Variants in PLEKHD1 observed in about 807,000 individuals in gnomAD.
The protein encoded by PLEKHD1 is pleckstrin homology domain-containing family D member 1.
A neutral mutation model predicts 69.2 loss-of-function variants in PLEKHD1; 51 were observed. The observed-to-expected ratio is 0.74, with a 90% confidence interval of 0.59 to 0.93. The LOEUF (loss-of-function observed/expected upper bound fraction) is 0.93, where lower values mean the gene tolerates loss of function less well. PLEKHD1 is among the 40% of genes least tolerant of loss of function. The pLI, the probability that PLEKHD1 is intolerant of heterozygous loss-of-function variation, is 0.00. For synonymous variants in PLEKHD1, 236 were observed against 244.7 expected (o/e 0.96, Z 0.33); for missense variants, 584 against 641.0 (o/e 0.91, Z 0.96).
intron 1 of PLEKHD1, among the ~76,000 whole-genome samples, chr14:69,495,439 A>G (rs1208958483): frequency 1.3e-5 from 2 of 152,078 alleles, no homozygotes; most frequent in Non-Finnish European, 2.9e-5. Flanking sequence ...GCCTCTACCA[A>G]CTAGTGCTGT....
the PLEKHD1 span, among the ~76,000 whole-genome samples, chr14:69,478,019 G>A: frequency 6.6e-6 from 1 of 152,226 alleles, no homozygotes; most frequent in African/African-American, 2.4e-5. Context: ...TTCTCCATGA[G>A]AACCCTGCCC....
chr14:69,527,445 C>T (rs1449266585), intron 11 of PLEKHD1, 113 bp downstream of exon 11: 15 of 1,426,082 alleles, frequency 1.1e-5, no homozygotes, highest in Non-Finnish European at 1.9e-6. Context: ...TGAGGTGCTC[C>T]CTGGATATTG....
upstream of PLEKHD1, among the ~76,000 whole-genome samples, chr14:69,483,616 T>C (rs1193771636): frequency 6.6e-6 from 1 of 152,254 alleles, no homozygotes; most frequent in Non-Finnish European, 1.5e-5. Flanking sequence ...CCATGAAGTA[T>C]ACCTCAATTT....
At position 69,501,135 on chromosome 14, in the gene PLEKHD1, T is replaced by C; in HGVS notation, c.410+188T>C. On this transcript the variant is annotated intron_variant, in intron 4 of 12. Coordinates refer to ENST00000322564, the MANE Select transcript of PLEKHD1 (RefSeq NM_001161498.2). ...TCTGTGAGGGGTCCCCTGAGTGAGC[T>C]TGAAAAGTGTCTAGGTCACAGGTGG... 3 of 622,250 alleles carry C rather than the reference T, an allele frequency of 4.8e-6. No individual in the cohort carries two copies. The Admixed American group carries it at 8.1e-5, about 17-fold the overall frequency. 38.5% of individuals were successfully genotyped at this position (622,250 alleles called of 1,614,324 possible).
At chr14:69,503,863 CAAAAA>C (rs35831952) in intron 6 of PLEKHD1, among the ~76,000 whole-genome samples, 39 of 39,122 alleles carry the variant, frequency 1.0e-3, no homozygotes, top group Non-Finnish European at 1.8e-3. Flanking sequence ...GACTCCGTCT[CAAAAA>C]AAAAAAAAAA....
In PLEKHD1 at chr14:69,528,228, T is replaced by G. The variant is rs1457941622; in HGVS notation, c.1352-22T>G. ...GTGGAGGGAGCACTGTTCACAGGGC[T>G]GTTGGGCTCCTGTTTCCCCAGTGAA... On this transcript the variant is annotated intron_variant, in intron 12 of 12. Transcript: ENST00000322564. The G allele has an allele frequency of 7.1e-6, 11 of 1,551,392 alleles. No homozygotes were observed. The South Asian group carries it at 1.2e-4, about 17-fold the overall frequency.
intron 2 of PLEKHD1, 32 bp from the exon 3 acceptor site, chr14:69,500,545 G>A: frequency 6.6e-7 from 1 of 1,524,420 alleles, no homozygotes. Context: ...AGTTGGGTGG[G>A]GTGGGGGCTG....
chr14:69,527,084 A>G (rs1883669279), intron 10 of PLEKHD1, 104 bp from the exon 11 acceptor site: 2 of 1,370,058 alleles, frequency 1.5e-6, no homozygotes, highest in Non-Finnish European at 2.0e-6. Context: ...GATAACTCCC[A>G]TCCACGCCCA....
At chr14:69,480,114 G>C (rs879442612), upstream of PLEKHD1, among the ~76,000 whole-genome samples, 3 of 152,226 alleles carry the variant, frequency 2.0e-5, no homozygotes, top group Non-Finnish European at 2.9e-5. Context: ...TGTTAGAATG[G>C]GCGATGGACA....
chr14:69,481,972 T>C (rs531830858), upstream of PLEKHD1, among the ~76,000 whole-genome samples: 6 of 152,290 alleles, frequency 3.9e-5, no homozygotes, highest in East Asian at 1.2e-3. Flanking sequence ...GAGAACACAA[T>C]GGAAGCAGAA....
At chr14:69,487,911 A>G (rs1882689603) in intron 1 of PLEKHD1, among the ~76,000 whole-genome samples, 1 of 152,088 alleles carries the variant, frequency 6.6e-6, no homozygotes, top group African/African-American at 2.4e-5. Flanking sequence ...CTGAGATTGA[A>G]TGCTTTTTCC....
At chr14:69,473,411 G>A in the PLEKHD1 span, among the ~76,000 whole-genome samples, 1 of 151,662 alleles carries the variant, frequency 6.6e-6, no homozygotes, top group African/African-American at 2.4e-5. Flanking sequence ...GACCCTGCGT[G>A]TGTGTAGCTC....
chr14:69,473,497 G>A, the PLEKHD1 span, among the ~76,000 whole-genome samples: 1 of 152,140 alleles, frequency 6.6e-6, no homozygotes, highest in African/African-American at 2.4e-5. Flanking sequence ...GTGTACAGGT[G>A]GGAAATTAAC....
At chr14:69,514,158 G>C (rs531959742) in intron 6 of PLEKHD1, among the ~76,000 whole-genome samples, 4 of 151,956 alleles carry the variant, frequency 2.6e-5, no homozygotes, top group Admixed American at 1.3e-4. Flanking sequence ...CTCAGTCATT[G>C]CTTCAAATAT....
rs1199351587 is a variant in PLEKHD1 at position 69,523,907 on chromosome 14, G to A, written c.651-322G>A. Among the ~76,000 whole-genome samples, 3 of 152,222 alleles carry A rather than the reference G, an allele frequency of 2.0e-5. No individual in the cohort carries two copies. In the East Asian group the frequency reaches 5.8e-4, roughly 29 times the overall value. On this transcript the variant is annotated intron_variant, in intron 7 of 12. Coordinates refer to ENST00000322564, the MANE Select transcript of PLEKHD1 (RefSeq NM_001161498.2). ...ATGACCATGGGTTCTAGCAAGTGCT[G>A]TCCAGAGAAGACAGGGTGAGGCTGG...
intron 6 of PLEKHD1, among the ~76,000 whole-genome samples, chr14:69,509,202 C>G (rs1461134340): frequency 6.6e-6 from 1 of 152,102 alleles, no homozygotes; most frequent in South Asian, 2.1e-4. Flanking sequence ...ATGTCTGGGT[C>G]TTTTGCCCAT....
chr14:69,506,093 G>C (rs1278209727), intron 6 of PLEKHD1, among the ~76,000 whole-genome samples: 1 of 152,216 alleles, frequency 6.6e-6, no homozygotes, highest in Non-Finnish European at 1.5e-5. Flanking sequence ...GAAAAAATGT[G>C]CCACTACAAC....
intron 6 of PLEKHD1, among the ~76,000 whole-genome samples, chr14:69,519,403 T>G (rs1883458649): frequency 1.3e-5 from 2 of 152,068 alleles, no homozygotes; most frequent in African/African-American, 2.4e-5. Flanking sequence ...TAAAGTTGCT[T>G]TGACCCTGGA....
Position 69,525,997 on chromosome 14 carries a change from C to G in PLEKHD1, c.798C>G (p.Asn266Lys). Reference protein sequence around the residue: ...KTLEMLEENENHLQTLANQSE... With the variant: ...KTLEMLEENEKHLQTLANQSE... Reference sequence around the variant, plus strand: ...TGGAAATGCTGGAGGAGAACGAGAACCACCTGCAGACACTGGCCAATCAGA... The same window carrying G: ...TGGAAATGCTGGAGGAGAACGAGAAGCACCTGCAGACACTGGCCAATCAGA... Residue 266 changes from asparagine to lysine, a missense_variant, in exon 9 of 13, where the codon AAC becomes AAG. By Grantham distance (94) the Asn-to-Lys change is moderately conservative. Coordinates refer to ENST00000322564, the MANE Select transcript of PLEKHD1 (RefSeq NM_001161498.2). The G allele has an allele frequency of 1.9e-6, 3 of 1,551,682 alleles. No homozygotes were observed. The highest frequency in any genetic ancestry group is 2.6e-6 in the Non-Finnish European group (3 of 1,146,984).
Sources: allele counts gnomAD v4.1 joint callset (sites outside exome capture counted in the v4.1 genomes callset), GRCh38; gene constraint gnomAD v4.1.1; transcripts MANE v1.5; gene names NCBI Gene and HGNC (gene_info 2026-07-23, HGNC 2026-07-21).